Variants in FMN1 observed in about 807,000 individuals in gnomAD.
The protein encoded by FMN1 is formin 1.
FMN1 carries 110 observed loss-of-function variants against 132.4 expected under a neutral mutation model. The observed-to-expected ratio is 0.83, with a 90% confidence interval of 0.71 to 0.97. The LOEUF is 0.97. FMN1 is among the 50% of genes least tolerant of loss of function. FMN1 has a pLI of 0.00. For missense variants in FMN1, 1,792 were observed against 1,705.3 expected, an observed-to-expected ratio of 1.05 and a Z score of -0.90; for synonymous variants, 722 against 651.7, an observed-to-expected ratio of 1.11 and a Z score of -1.64.
intron 7 of FMN1, among the ~76,000 whole-genome samples, chr15:32,972,164 G>A (rs1290600795): frequency 9.2e-5 from 14 of 152,138 alleles, no homozygotes; most frequent in Admixed American, 8.5e-4. Context: ...TCAGTTTGCC[G>A]TCATTATTAT....
intron 17 of FMN1, among the ~76,000 whole-genome samples, chr15:32,841,133 G>C (rs1421418888): frequency 6.6e-6 from 1 of 152,132 alleles, no homozygotes; most frequent in Non-Finnish European, 1.5e-5. Context: ...CATTGATCTT[G>C]GGTTGGATCA....
chr15:32,989,030 T>C (rs1222395128), intron 7 of FMN1, among the ~76,000 whole-genome samples: 1 of 152,190 alleles, frequency 6.6e-6, no homozygotes, highest in Non-Finnish European at 1.5e-5. Flanking sequence ...AAAAATATCT[T>C]TTAAAAAACC....
At chr15:32,938,099 TTTTTTTTCACTGTGTAGCGTG>T (rs2061320846) in intron 9 of FMN1, among the ~76,000 whole-genome samples, 1 of 152,094 alleles carries the variant, frequency 6.6e-6, no homozygotes, top group Admixed American at 6.6e-5. Context: ...TGTTGCACTT[TTTTTTTTCACTGTGTAGCGTG>T]TTTTTTTCAC....
At chr15:33,167,666 G>A (rs6494922) in intron 3 of FMN1, among the ~76,000 whole-genome samples, 23,423 of 152,166 alleles carry the variant, frequency 0.15, 2,587 homozygotes, top group African/African-American at 0.3. Flanking sequence ...TTGACCATAA[G>A]TCTTACTGAT....
chr15:32,950,142 C>T (rs140434621), intron 9 of FMN1, among the ~76,000 whole-genome samples: 7,355 of 136,518 alleles, frequency 0.054, 296 homozygotes, highest in Middle Eastern at 0.13. Context: ...AATGAGATAC[C>T]ATCTTACACC....
chr15:32,885,750 T>C (rs187293251), intron 16 of FMN1, among the ~76,000 whole-genome samples: 76 of 152,304 alleles, frequency 5.0e-4, no homozygotes, highest in African/African-American at 1.8e-3. Flanking sequence ...TCAGTGACAT[T>C]AGTATGACCA....
At chr15:32,879,854 T>TTTTC (rs2059722073) in intron 16 of FMN1, among the ~76,000 whole-genome samples, 1 of 69,126 alleles carries the variant, frequency 1.4e-5, no homozygotes, top group Non-Finnish European at 2.7e-5. Context: ...CATTGTGGGA[T>TTTTC]TTTTTGTTTT....
intron 4 of FMN1, among the ~76,000 whole-genome samples, chr15:33,111,200 G>A (rs1352330630): frequency 6.6e-6 from 1 of 152,058 alleles, no homozygotes; most frequent in South Asian, 2.1e-4. Context: ...ATTGTAAAAT[G>A]CTTTCAACCC....
At chr15:33,063,848 C>T (rs2037594880) in intron 6 of FMN1, 1 of 152,186 alleles carries the variant, frequency 6.6e-6, no homozygotes, top group Non-Finnish European at 1.5e-5. Flanking sequence ...CACCCTTATG[C>T]TGTTCATTCT....
chr15:32,918,776 C>G (rs2060746636), intron 10 of FMN1, among the ~76,000 whole-genome samples: 1 of 152,138 alleles, frequency 6.6e-6, no homozygotes, highest in African/African-American at 2.4e-5. Context: ...AAATTACATT[C>G]CAGGCAGATT....
chr15:32,936,073 A>G (rs1327207995), intron 9 of FMN1, among the ~76,000 whole-genome samples: 1 of 152,066 alleles, frequency 6.6e-6, no homozygotes, highest in Admixed American at 6.6e-5. Context: ...TTTAGCCCCA[A>G]TATTTGTTTG....
At chr15:33,012,753 C>T (rs345825) in intron 6 of FMN1, 530,522 of 735,254 alleles carry the variant, frequency 0.72, 197,299 homozygotes, top group East Asian at 0.81. Flanking sequence ...TTGGTGGGAA[C>T]GACATCTTTG....
At chr15:33,109,941 G>A (rs374149126) in intron 4 of FMN1, among the ~76,000 whole-genome samples, 46 of 152,036 alleles carry the variant, frequency 3.0e-4, no homozygotes, top group African/African-American at 1.1e-3. Context: ...GGATGTTTAA[G>A]TTAGCACCAG....
intron 16 of FMN1, among the ~76,000 whole-genome samples, chr15:32,861,871 C>T (rs1457032727): frequency 6.6e-6 from 1 of 152,194 alleles, no homozygotes; most frequent in Non-Finnish European, 1.5e-5. Context: ...TCCCCTAGGC[C>T]TCTGAGCTTC....
intron 17 of FMN1, among the ~76,000 whole-genome samples, chr15:32,853,275 TC>T (rs1169878902): frequency 1.3e-5 from 2 of 152,224 alleles, no homozygotes; most frequent in Non-Finnish European, 2.9e-5. Context: ...ATTCTTCCTC[TC>T]TGATTCTATA....
At chr15:33,017,817 CACTTTGGGAG>C (rs1205600395) in intron 6 of FMN1, among the ~76,000 whole-genome samples, 2 of 152,216 alleles carry the variant, frequency 1.3e-5, no homozygotes, top group Non-Finnish European at 2.9e-5. Context: ...GTAATCCCAG[CACTTTGGGAG>C]ACTGAGGCGG....
chr15:32,826,523 A>C (rs2058371470), intron 17 of FMN1, among the ~76,000 whole-genome samples: 2 of 152,244 alleles, frequency 1.3e-5, no homozygotes, highest in African/African-American at 4.8e-5. Context: ...AAAAGAGGGC[A>C]AAAACAGAAT....
At chr15:33,019,547 G>A (rs1248314381) in intron 6 of FMN1, among the ~76,000 whole-genome samples, 1 of 152,176 alleles carries the variant, frequency 6.6e-6, no homozygotes, top group Non-Finnish European at 1.5e-5. Context: ...CGCTTGTCGG[G>A]GAGGCTCTGG....
At position 32,974,625 on chromosome 15, in the gene FMN1, T is replaced by G. The variant is rs184711601; in HGVS notation, c.2224-5148A>C. On this transcript the variant is annotated intron_variant, in intron 7 of 20. Coordinates refer to ENST00000616417, the MANE Select transcript of FMN1 (RefSeq NM_001277313.2). ...AGGCCCATCCCCACAGACCCTCATT[T>G]AATCAATCTGAGATGATGCCTTTGC... Among the ~76,000 whole-genome samples the G allele has an allele frequency of 2.8e-3, 427 of 152,344 alleles. 1 individual carries two copies. The highest frequency in any genetic ancestry group is 8.1e-3 in the South Asian group (39 of 4,828).
Sources: allele counts gnomAD v4.1 joint callset (sites outside exome capture counted in the v4.1 genomes callset), GRCh38; gene constraint gnomAD v4.1.1; transcripts MANE v1.5; gene names NCBI Gene and HGNC (gene_info 2026-07-23, HGNC 2026-07-21).